LIPM: variants seen among roughly 807,000 people sequenced by gnomAD.
The protein encoded by LIPM is lipase member M.
In LIPM, 42 loss-of-function variants were observed where a neutral mutation model predicts 42.4. That is an observed-to-expected ratio of 0.99 (90% CI 0.77 to 1.28). The LOEUF (loss-of-function observed/expected upper bound fraction) is 1.28. LIPM is among the 50% of genes most tolerant of loss of function. The pLI, the probability that LIPM is intolerant of heterozygous loss-of-function variation, is 0.00. For synonymous variants in LIPM, 177 were observed against 173.3 expected (o/e 1.02, Z -0.17); for missense variants, 524 against 520.1 (o/e 1.01, Z -0.07).
intron 7 of LIPM, 125 bp from the exon 8 acceptor site, chr10:88,817,700 A>G: frequency 3.2e-6 from 2 of 622,382 alleles, no homozygotes; most frequent in Admixed American, 2.7e-5. Context: ...ATTGAATGGA[A>G]GAGCAGCTCA....
intron 1 of LIPM, among the ~76,000 whole-genome samples, chr10:88,804,801 AAGT>A (rs1048860228): frequency 6.6e-6 from 1 of 152,218 alleles, no homozygotes; most frequent in African/African-American, 2.4e-5. Context: ...TAATAGTTAT[AAGT>A]AGGCATAAAT....
At chr10:88,812,373 G>A (rs925004953) in intron 2 of LIPM, among the ~76,000 whole-genome samples, 1 of 152,150 alleles carries the variant, frequency 6.6e-6, no homozygotes, top group African/African-American at 2.4e-5. Context: ...TTCAGGATAT[G>A]TAGTATTCTG....
chr10:88,805,903 A>T (rs1589311310), intron 1 of LIPM: 1 of 189,936 alleles, frequency 5.3e-6, no homozygotes, highest in Admixed American at 7.1e-5. Context: ...TACAGACTTC[A>T]AAACAGCCAG....
rs764560934 is a variant in LIPM, at chr10:88,814,480, T to A, written c.465-50T>A. 76 of 1,339,882 alleles carry A rather than the reference T, an allele frequency of 5.7e-5. No homozygotes were observed. In the African/African-American group the frequency reaches 9.6e-4, roughly 17 times the overall value. 83.0% of individuals were successfully genotyped at this position (1,339,882 alleles called of 1,614,324 possible). A position where few individuals can be genotyped will look rare whatever the true frequency, so the allele number is the denominator to read the frequency against. On this transcript the variant is annotated intron_variant, in intron 3 of 8. Transcript: ENST00000404743. ...AACCTGGTGTCGGGGGGAGCTTTTG[T>A]TTGTTTCTGATTATAATTTTTCATA...
At chr10:88,811,909 CATT>C (rs1843660852) in intron 2 of LIPM, among the ~76,000 whole-genome samples, 1 of 152,048 alleles carries the variant, frequency 6.6e-6, no homozygotes, top group Middle Eastern at 3.2e-3. Flanking sequence ...AGAAAACAAA[CATT>C]GATTGACATT....
chr10:88,814,726 T>C, intron 4 of LIPM, 87 bp downstream of exon 4: 1 of 1,006,138 alleles, frequency 9.9e-7, no homozygotes, highest in Non-Finnish European at 1.5e-6. Context: ...CACCTTGTGC[T>C]TCCTTCAGAC....
At chr10:88,811,157 G>C (rs926130264) in intron 2 of LIPM, among the ~76,000 whole-genome samples, 8 of 152,058 alleles carry the variant, frequency 5.3e-5, no homozygotes, top group Non-Finnish European at 1.2e-4. Context: ...TGTGTGTTTG[G>C]TGCCCGTTTA....
In LIPM at chr10:88,813,267, A is replaced by G. The variant is rs757342820; in HGVS notation, c.436A>G (p.Ile146Val). 1.2e-6 allele frequency: 2 copies of G among 1,609,988 alleles called. No individual in the cohort carries two copies. Among genetic ancestry groups the G allele is most frequent in the African/African-American group, 1.3e-5 (1 of 74,888 alleles). The change falls in exon 3 of 9, where the codon ATA (isoleucine) becomes GTA (valine). Residue 146 changes from isoleucine (I) to valine (V), a missense_variant. Coordinates refer to ENST00000404743, the MANE Select transcript of LIPM (RefSeq NM_001128215.1). ...GTCTCGAAAACACAAGACACTCTCC[A>G]TAGACCAAGATGAGTTCTGGGCTTT... is the stretch of plus-strand genomic sequence containing the variant. ...AWSRKHKTLS[I>V]DQDEFWAFSY...
intron 1 of LIPM, among the ~76,000 whole-genome samples, chr10:88,804,622 T>A (rs1237679403): frequency 6.6e-6 from 1 of 151,944 alleles, no homozygotes; most frequent in Non-Finnish European, 1.5e-5. Flanking sequence ...CATCCTTTAG[T>A]TGCCCCGGCT....
At chr10:88,803,918 C>T (rs1413054448) in intron 1 of LIPM, among the ~76,000 whole-genome samples, 1 of 152,108 alleles carries the variant, frequency 6.6e-6, no homozygotes, top group Non-Finnish European at 1.5e-5. Flanking sequence ...ACGCAATAAA[C>T]CCTCCCAGGT....
chr10:88,808,282 T>A lies in LIPM; in HGVS notation c.148-16T>A. On this transcript the variant is annotated splice_polypyrimidine_tract_variant and intron_variant, in intron 1 of 8. Coordinates refer to ENST00000404743, the MANE Select transcript of LIPM (RefSeq NM_001128215.1). The stretch of plus-strand genomic sequence containing the variant: ...ACAGAGAACTGAACCTAAAAGAAAT[T>A]GTGCTTTTTCCATAGAGTGAAATCA... The A allele has an allele frequency of 7.0e-7, 1 of 1,435,204 alleles. No individual in the cohort carries two copies. The highest frequency in any genetic ancestry group is 9.6e-7 in the Non-Finnish European group (1 of 1,041,044). 88.9% of individuals were successfully genotyped at this position (1,435,204 alleles called of 1,614,324 possible). A position where few individuals can be genotyped will look rare whatever the true frequency, so the allele number is the denominator to read the frequency against.
chr10:88,820,532 C>CATGAGGG lies in LIPM; in HGVS notation c.*31_*32insATGAGGG, dbSNP rs1843779794. On this transcript the variant is annotated 3_prime_UTR_variant, in exon 9 of 9. Coordinates refer to ENST00000404743, the MANE Select transcript of LIPM (RefSeq NM_001128215.1). ...CTGACACTGACGATCTTAGGACAAC[C>CATGAGGG]TCCTGAGGGATGGGGCTAGGACCCA... is the stretch of plus-strand genomic sequence containing the variant. 9 of 1,537,464 alleles carry CATGAGGG rather than the reference C, an allele frequency of 5.9e-6. No individual in the cohort carries two copies. In the African/African-American group the frequency reaches 1.2e-4, roughly 21 times the overall value.
At chr10:88,819,509 G>T (rs958067461) in intron 8 of LIPM, among the ~76,000 whole-genome samples, 3 of 152,168 alleles carry the variant, frequency 2.0e-5, no homozygotes, top group African/African-American at 7.2e-5. Context: ...AGTAAGAAAT[G>T]GGCCTTACCA....
intron 2 of LIPM, among the ~76,000 whole-genome samples, chr10:88,811,204 G>T (rs555784117): frequency 6.6e-6 from 1 of 152,312 alleles, no homozygotes; most frequent in South Asian, 2.1e-4. Flanking sequence ...CTGATCTGAG[G>T]TCGGGCAGCA....
In LIPM at chr10:88,812,172, T is replaced by A. The variant is rs150688271; in HGVS notation, c.266-925T>A. Among the ~76,000 whole-genome samples the A allele has an allele frequency of 5.5e-3, 833 of 152,318 alleles. 5 individuals are homozygous for A. The highest frequency in any genetic ancestry group is 0.017 in the Middle Eastern group (5 of 294). ...TCTTCATGGTGTGATTCAAGTTATA[T>A]GTTTTTGGCAGGAATAACCCAAAAG... On this transcript the variant is annotated intron_variant, in intron 2 of 8. Coordinates refer to ENST00000404743, the MANE Select transcript of LIPM (RefSeq NM_001128215.1).
Position 88,814,642 on chromosome 10 carries a change from A to G in LIPM, c.574+3A>G, listed in dbSNP as rs1843696384. ...CTATTCACAGGGCACCACCATGGGT[A>G]GGTTCAAAGAAAAGCAGGTTTGTAT... On this transcript the variant is annotated splice_donor_region_variant and intron_variant, in intron 4 of 8. Transcript: ENST00000404743. The G allele has an allele frequency of 6.5e-7, 1 of 1,548,838 alleles. No homozygotes were observed. The highest frequency in any genetic ancestry group is 1.2e-5 in the South Asian group (1 of 84,008).
chr10:88,812,316 T>C (rs1258362379), intron 2 of LIPM, among the ~76,000 whole-genome samples: 1 of 152,202 alleles, frequency 6.6e-6, no homozygotes, highest in Non-Finnish European at 1.5e-5. Context: ...TTTCTAAAGT[T>C]AGTATTTTTC....
chr10:88,808,044 C>T (rs1344734465), intron 1 of LIPM, among the ~76,000 whole-genome samples: 1 of 152,174 alleles, frequency 6.6e-6, no homozygotes, highest in Non-Finnish European at 1.5e-5. Flanking sequence ...ACAGATTAGT[C>T]CAAGTGATGC....
At chr10:88,811,644 T>C (rs78292640) in intron 2 of LIPM, among the ~76,000 whole-genome samples, 3,022 of 152,320 alleles carry the variant, frequency 0.02, 51 homozygotes, top group Middle Eastern at 0.034. Context: ...TTCCAATTTA[T>C]GGAAAAGTCC....
Sources: gnomAD v4.1 joint callset for allele counts (sites outside exome capture counted in the v4.1 genomes callset) on GRCh38, gnomAD v4.1.1 for gene constraint, MANE v1.5 for transcripts, NCBI Gene and HGNC (gene_info 2026-07-23, HGNC 2026-07-21) for gene names.